KIFAP3: variants seen among roughly 807,000 people sequenced by gnomAD.
The protein encoded by KIFAP3 is kinesin associated protein 3, also known as kinesin-associated protein 3.
In KIFAP3, 68 loss-of-function variants were observed where a neutral mutation model predicts 106.5. The ratio of observed to expected loss-of-function variants is 0.64; its 90% CI spans 0.53 to 0.78. The LOEUF (loss-of-function observed/expected upper bound fraction) is 0.78, where lower values mean the gene tolerates loss of function less well. Ranked by LOEUF, KIFAP3 falls within the 30% of genes least tolerant of loss-of-function variation. The pLI is 0.00. For missense variants in KIFAP3, 780 were observed against 941.8 expected, an observed-to-expected ratio of 0.83 and a Z score of 2.25; for synonymous variants, 320 against 311.5, an observed-to-expected ratio of 1.03 and a Z score of -0.29.
At chr1:170,002,326 A>C (rs1413769493) in intron 10 of KIFAP3, among the ~76,000 whole-genome samples, 1 of 152,196 alleles carries the variant, frequency 6.6e-6, no homozygotes, top group African/African-American at 2.4e-5. Flanking sequence ...GAATAGAGAA[A>C]CATTTATATC....
At chr1:170,004,302 A>G (rs1667825283) in intron 10 of KIFAP3, among the ~76,000 whole-genome samples, 1 of 152,236 alleles carries the variant, frequency 6.6e-6, no homozygotes, top group African/African-American at 2.4e-5. Context: ...TATAGATTCA[A>G]TGCCATCGCC....
intron 10 of KIFAP3, among the ~76,000 whole-genome samples, chr1:170,004,514 G>A (rs1465215795): frequency 6.6e-6 from 1 of 151,856 alleles, no homozygotes; most frequent in Non-Finnish European, 1.5e-5. Context: ...CAGAGATATA[G>A]ACCAATGGAA....
chr1:170,082,985 T>C (rs1374790416), intron 1 of KIFAP3, among the ~76,000 whole-genome samples: 1 of 151,630 alleles, frequency 6.6e-6, no homozygotes, highest in Non-Finnish European at 1.5e-5. Context: ...AAAATAATAA[T>C]AAAATAAACA....
At chr1:170,039,715 GA>G (rs981814000) in intron 3 of KIFAP3, among the ~76,000 whole-genome samples, 39 of 150,864 alleles carry the variant, frequency 2.6e-4, no homozygotes, top group African/African-American at 7.5e-4. Flanking sequence ...AAAGCAGAAA[GA>G]AAAAAAAATT....
upstream of KIFAP3, among the ~76,000 whole-genome samples, chr1:170,076,041 A>G (rs1007581833): frequency 6.6e-6 from 1 of 152,228 alleles, no homozygotes; most frequent in African/African-American, 2.4e-5. Flanking sequence ...GTAAAATTGG[A>G]AGACCAAAAT....
intron 10 of KIFAP3, among the ~76,000 whole-genome samples, chr1:170,016,220 G>C (rs1031387622): frequency 4.6e-5 from 7 of 151,424 alleles, no homozygotes; most frequent in Non-Finnish European, 1.5e-5. Flanking sequence ...TTACTTTTTG[G>C]CTTAGTATGG....
chr1:169,984,775 T>A, intron 11 of KIFAP3, 85 bp from the exon 12 acceptor site: 1 of 678,362 alleles, frequency 1.5e-6, no homozygotes, highest in Non-Finnish European at 2.6e-6. Context: ...CATAATGTGT[T>A]ATCTTAGATT....
rs751391485 is a variant in KIFAP3 at position 170,016,472 on chromosome 1, A to C, written c.1173T>G (p.Thr391=). 2.1e-5 allele frequency: 33 copies of C among 1,602,830 alleles called. No homozygotes were observed. The highest frequency in any genetic ancestry group is 2.8e-5 in the Non-Finnish European group (33 of 1,175,732). The part of the protein sequence containing the change: ...MVQVGLLPKL[T]ALLGNDNYKQ... ...TTCTAAAAAGCATACCTAGGAGTGC[A>C]GTGAGCTTGGGAAGCAGTCCAACTT... The change falls in exon 10 of 20, where the codon ACT becomes ACG. Residue 391 remains threonine (T), a synonymous_variant. Transcript: ENST00000361580.
intron 9 of KIFAP3, among the ~76,000 whole-genome samples, chr1:170,019,570 G>A (rs746359490): frequency 2.6e-5 from 4 of 151,888 alleles, no homozygotes; most frequent in African/African-American, 7.3e-5. Flanking sequence ...AGACTGTTGC[G>A]AATATGCGAA....
At chr1:169,998,387 TATATATATATATAC>T (rs957469021) in intron 10 of KIFAP3, among the ~76,000 whole-genome samples, 2 of 18,866 alleles carry the variant, frequency 1.1e-4, no homozygotes, top group Admixed American at 5.6e-4. Flanking sequence ...ACCAGATATA[TATATATATATATAC>T]ACACACACAC....
chr1:169,960,058 T>A (rs1451096842), intron 18 of KIFAP3, among the ~76,000 whole-genome samples: 1 of 152,072 alleles, frequency 6.6e-6, no homozygotes, highest in African/African-American at 2.4e-5. Flanking sequence ...ATTTGCACAA[T>A]ACACAATTAA....
At chr1:169,941,083 C>T (rs1664081566) in intron 19 of KIFAP3, among the ~76,000 whole-genome samples, 1 of 152,004 alleles carries the variant, frequency 6.6e-6, no homozygotes, top group Non-Finnish European at 1.5e-5. Context: ...TAGAAAAGGC[C>T]CTCAGATAAA....
At chr1:170,074,408 G>T (rs763569183) in intron 1 of KIFAP3, 28 bp downstream of exon 1, 1 of 1,613,152 alleles carries the variant, frequency 6.2e-7, no homozygotes, top group East Asian at 2.2e-5. Flanking sequence ...GGCAAGGAGG[G>T]TAGGACAGAG....
chr1:170,037,472 G>C (rs1294157512), intron 5 of KIFAP3, among the ~76,000 whole-genome samples: 3 of 152,022 alleles, frequency 2.0e-5, no homozygotes, highest in African/African-American at 7.2e-5. Context: ...GCTCACACCT[G>C]TAATCCTAGC....
At chr1:169,998,734 T>C (rs1416447402) in intron 10 of KIFAP3, among the ~76,000 whole-genome samples, 1 of 152,242 alleles carries the variant, frequency 6.6e-6, no homozygotes, top group Non-Finnish European at 1.5e-5. Flanking sequence ...ATTCTAGTTC[T>C]ATCCTACAGT....
intron 10 of KIFAP3, among the ~76,000 whole-genome samples, chr1:169,993,434 T>G (rs754369193): frequency 2.6e-4 from 40 of 151,756 alleles, no homozygotes; most frequent in Non-Finnish European, 5.6e-4. Flanking sequence ...TCACAAGGCC[T>G]AGTGTAGAAC....
chr1:170,053,511 C>A (rs182931991), intron 2 of KIFAP3, among the ~76,000 whole-genome samples: 168 of 151,624 alleles, frequency 1.1e-3, no homozygotes, highest in Non-Finnish European at 1.9e-3. Flanking sequence ...AAAAAAGAGC[C>A]CATATAGCCA....
At position 170,014,676 on chromosome 1, in the gene KIFAP3, A is replaced by G. The variant is rs1157315264; in HGVS notation, c.1183+1786T>C. ...TTTACTGAAATAAATTGAAATGCATATTCAAGAGAGTAAATTTTTTTTAAA... is the reference window on the plus strand; with the variant it reads ...TTTACTGAAATAAATTGAAATGCATGTTCAAGAGAGTAAATTTTTTTTAAA... On this transcript the variant is annotated intron_variant, in intron 10 of 19. Coordinates refer to ENST00000361580, the MANE Select transcript of KIFAP3 (RefSeq NM_014970.4). Among the ~76,000 whole-genome samples, 3 of 152,198 alleles carry G rather than the reference A, an allele frequency of 2.0e-5. No individual in the cohort carries two copies. In the South Asian group the frequency reaches 6.2e-4, roughly 31 times the overall value.
At chr1:170,074,306 G>A in intron 1 of KIFAP3, 130 bp downstream of exon 1, 3 of 1,090,182 alleles carry the variant, frequency 2.8e-6, no homozygotes, top group African/African-American at 1.6e-5. Context: ...CTCTCCTTTC[G>A]GTGACTTCTC....
Sources: gnomAD v4.1 joint callset for allele counts (sites outside exome capture counted in the v4.1 genomes callset) on GRCh38, gnomAD v4.1.1 for gene constraint, MANE v1.5 for transcripts, NCBI Gene and HGNC (gene_info 2026-07-23, HGNC 2026-07-21) for gene names.